ENTREP1: variants seen among roughly 807,000 people sequenced by gnomAD.
ENTREP1 encodes the protein Friedreich ataxia region gene X123.
At chr9:69,356,103 A>T in the ENTREP1 span, among the ~76,000 whole-genome samples, 1 of 152,218 alleles carries the variant, frequency 6.6e-6, no homozygotes, top group Non-Finnish European at 1.5e-5. Context: ...TCCCAAGTAG[A>T]AACTATATCC....
At chr9:69,337,860 T>C in the ENTREP1 span, among the ~76,000 whole-genome samples, 16 of 152,344 alleles carry the variant, frequency 1.1e-4, no homozygotes, top group South Asian at 1.4e-3. Context: ...AATAATTTTC[T>C]AAAGTCATTT....
the ENTREP1 span, among the ~76,000 whole-genome samples, chr9:69,360,665 C>T: frequency 6.6e-6 from 1 of 152,100 alleles, no homozygotes; most frequent in East Asian, 1.9e-4. Context: ...TTTTGACTTG[C>T]TCTATCTGGA....
the ENTREP1 span, chr9:69,392,048 C>A: frequency 3.6e-6 from 2 of 553,938 alleles, no homozygotes; most frequent in South Asian, 2.2e-5. Context: ...TCTTCTTCCT[C>A]TGCTGGGCCT....
chr9:69,374,849 G>A, the ENTREP1 span, among the ~76,000 whole-genome samples: 2 of 152,140 alleles, frequency 1.3e-5, no homozygotes, highest in Admixed American at 6.5e-5. Context: ...GTGAGAATAA[G>A]TTTTTAGAAA....
At chr9:69,351,679 T>G in the ENTREP1 span, among the ~76,000 whole-genome samples, 133,108 of 152,200 alleles carry the variant, frequency 0.87, 58,476 homozygotes, top group African/African-American at 0.95. Context: ...GGCCGCCAAA[T>G]TGCTGGGATT....
At chr9:69,341,484 A>AT in the ENTREP1 span, among the ~76,000 whole-genome samples, 16 of 150,812 alleles carry the variant, frequency 1.1e-4, no homozygotes, top group Non-Finnish European at 8.9e-5. Flanking sequence ...GATATGCTTA[A>AT]TTTTTTTTTT....
the ENTREP1 span, chr9:69,385,684 GC>G: frequency 4.3e-6 from 6 of 1,405,370 alleles, no homozygotes; most frequent in East Asian, 1.6e-4. Context: ...CATTACCCTT[GC>G]CCTGGCAGGT....
At chr9:69,367,168 G>A in the ENTREP1 span, among the ~76,000 whole-genome samples, 1 of 148,556 alleles carries the variant, frequency 6.7e-6, no homozygotes, top group African/African-American at 2.5e-5. Context: ...CTGGGCTTGA[G>A]TGGTCCTCCC....
the ENTREP1 span, among the ~76,000 whole-genome samples, chr9:69,365,508 T>C: frequency 6.6e-6 from 1 of 152,170 alleles, no homozygotes; most frequent in South Asian, 2.1e-4. Context: ...GTGTTTATCA[T>C]TTCTATGTAT....
At chr9:69,379,679 T>C in the ENTREP1 span, 3 of 152,220 alleles carry the variant, frequency 2.0e-5, no homozygotes, top group African/African-American at 7.2e-5. Context: ...TGATATTTCA[T>C]GGTGGGGATG....
At chr9:69,344,862 T>G in the ENTREP1 span, among the ~76,000 whole-genome samples, 120,808 of 152,032 alleles carry the variant, frequency 0.79, 48,129 homozygotes, top group South Asian at 0.87. Context: ...CCTGGGTTCC[T>G]GAGCCTCGTT....
At chr9:69,385,692 A>G in the ENTREP1 span, 7 of 1,409,928 alleles carry the variant, frequency 5.0e-6, no homozygotes, top group Middle Eastern at 2.6e-4. Flanking sequence ...TTGCCCTGGC[A>G]GGTTTAGGCT....
chr9:69,385,763 C>CATTTTTTTTTTTTTT, the ENTREP1 span: 1 of 1,243,192 alleles, frequency 8.0e-7, no homozygotes, highest in Non-Finnish European at 1.0e-6. Context: ...TGTTTCGCCT[C>CATTTTTTTTTTTTTT]TTTTTTTTTT....
the ENTREP1 span, among the ~76,000 whole-genome samples, chr9:69,347,998 G>A: frequency 6.6e-6 from 1 of 152,198 alleles, no homozygotes; most frequent in Admixed American, 6.5e-5. Context: ...TTCATGTTTG[G>A]ACCATGACTT....
At chr9:69,362,369 CCAAA>C in the ENTREP1 span, among the ~76,000 whole-genome samples, 1 of 152,052 alleles carries the variant, frequency 6.6e-6, no homozygotes, top group African/African-American at 2.4e-5. Flanking sequence ...CTCAGGTTCC[CCAAA>C]CATTCTTTCA....
At chr9:69,326,492 G>A in the ENTREP1 span, among the ~76,000 whole-genome samples, 2 of 152,082 alleles carry the variant, frequency 1.3e-5, no homozygotes, top group African/African-American at 4.8e-5. Context: ...TCCTCCAACC[G>A]GGAACGCTGA....
the ENTREP1 span, among the ~76,000 whole-genome samples, chr9:69,351,121 A>C: frequency 6.6e-6 from 1 of 152,220 alleles, no homozygotes. Flanking sequence ...CCAATTGAAC[A>C]GAACCTTATT....
At chr9:69,371,391 TAAA>T in the ENTREP1 span, 1 of 882,536 alleles carries the variant, frequency 1.1e-6, no homozygotes. Context: ...GATCTTTTTT[TAAA>T]AAAATGTTCT....
chr9:69,335,834 A>ATACGCCTGTAGTCCTGACG, the ENTREP1 span, among the ~76,000 whole-genome samples: 2 of 147,096 alleles, frequency 1.4e-5, no homozygotes, highest in African/African-American at 5.1e-5. Context: ...GTGTGGTGAC[A>ATACGCCTGTAGTCCTGACG]TGCGCCTGTA....
Sources: gnomAD v4.1 joint callset for allele counts (sites outside exome capture counted in the v4.1 genomes callset) on GRCh38, gnomAD v4.1.1 for gene constraint, MANE v1.5 for transcripts, NCBI Gene and HGNC (gene_info 2026-07-23, HGNC 2026-07-21) for gene names.